Variants in HHAT observed in about 807,000 individuals in gnomAD.
HHAT encodes the protein protein-cysteine N-palmitoyltransferase HHAT.
Under a neutral mutation model 70.8 loss-of-function variants are expected in HHAT, and 47 were observed. The ratio of observed to expected loss-of-function variants is 0.66; its 90% CI spans 0.53 to 0.85. The LOEUF is 0.85. HHAT is among the 40% of genes least tolerant of loss of function. HHAT has a pLI of 0.00. For missense variants in HHAT, 609 were observed against 604.8 expected, an observed-to-expected ratio of 1.01 and a Z score of -0.07; for synonymous variants, 228 against 247.6, an observed-to-expected ratio of 0.92 and a Z score of 0.74.
At chr1:210,569,390 A>G (rs1171193800) in intron 9 of HHAT, among the ~76,000 whole-genome samples, 1 of 148,142 alleles carries the variant, frequency 6.8e-6, no homozygotes, top group African/African-American at 2.5e-5. Flanking sequence ...AAAAAAAAAA[A>G]AAAAAAAAAG....
chr1:210,598,815 T>A (rs753452632), intron 10 of HHAT, among the ~76,000 whole-genome samples: 2 of 152,248 alleles, frequency 1.3e-5, no homozygotes, highest in Non-Finnish European at 2.9e-5. Context: ...TTGGTTCTTA[T>A]AAAGGTGAGT....
chr1:210,640,818 G>C (rs568359454), intron 11 of HHAT, among the ~76,000 whole-genome samples: 1 of 152,222 alleles, frequency 6.6e-6, no homozygotes, highest in Non-Finnish European at 1.5e-5. Context: ...TCTTGCCTTA[G>C]GTGGACACGA....
At chr1:210,654,152 C>T (rs1558363839) in intron 11 of HHAT, among the ~76,000 whole-genome samples, 1 of 137,240 alleles carries the variant, frequency 7.3e-6, no homozygotes, top group Non-Finnish European at 1.6e-5. Flanking sequence ...AATAGTGTGA[C>T]AGTGGAATAG....
intron 6 of HHAT, among the ~76,000 whole-genome samples, chr1:210,413,538 G>A (rs561954255): frequency 6.6e-6 from 1 of 152,156 alleles, no homozygotes; most frequent in Admixed American, 6.5e-5. Flanking sequence ...CAGTCAAGAG[G>A]AGCCAAGTTG....
intron 1 of HHAT, among the ~76,000 whole-genome samples, chr1:210,333,065 C>G (rs931557154): frequency 6.6e-6 from 1 of 152,166 alleles, no homozygotes; most frequent in Non-Finnish European, 1.5e-5. Context: ...AAATAAGTGT[C>G]GGATTCTGAC....
At chr1:210,537,507 C>T (rs1231334225) in intron 9 of HHAT, among the ~76,000 whole-genome samples, 1 of 152,162 alleles carries the variant, frequency 6.6e-6, no homozygotes, top group Non-Finnish European at 1.5e-5. Context: ...TGGGGAACAC[C>T]GGATTGGGCC....
Position 210,385,776 on chromosome 1 carries a change from A to G in HHAT, c.160-1692A>G, listed in dbSNP as rs147974319. ...CAAGGGATGGGAAGCACATGGGTCT[A>G]GCAGTTAGTAGCGGGTACTGCTGTT... On this transcript the variant is annotated intron_variant, in intron 3 of 11. Coordinates refer to ENST00000261458, the MANE Select transcript of HHAT (RefSeq NM_018194.6). Among the ~76,000 whole-genome samples the G allele has an allele frequency of 2.0e-5, 3 of 152,368 alleles. No individual in the cohort carries two copies. The East Asian group carries it at 5.8e-4, about 29-fold the overall frequency.
chr1:210,619,653 T>C (rs1668463838), intron 10 of HHAT, among the ~76,000 whole-genome samples: 1 of 152,170 alleles, frequency 6.6e-6, no homozygotes, highest in East Asian at 1.9e-4. Context: ...GTGCGCTTAT[T>C]ATCCCTGGCC....
intron 7 of HHAT, among the ~76,000 whole-genome samples, chr1:210,431,235 T>G (rs2093233278): frequency 6.6e-6 from 1 of 151,760 alleles, no homozygotes; most frequent in African/African-American, 2.4e-5. Flanking sequence ...ATTTTGGGCT[T>G]TGGAAATCTG....
At chr1:210,421,848 A>G (rs2092914248) in intron 7 of HHAT, among the ~76,000 whole-genome samples, 1 of 152,192 alleles carries the variant, frequency 6.6e-6, no homozygotes, top group African/African-American at 2.4e-5. Flanking sequence ...TATTTAAAAA[A>G]AGTCATATGT....
chr1:210,409,532 G>T (rs1456962804), intron 6 of HHAT, among the ~76,000 whole-genome samples: 2 of 152,088 alleles, frequency 1.3e-5, no homozygotes, highest in Non-Finnish European at 2.9e-5. Context: ...AGGAGTAGGG[G>T]TATGGTCTGT....
chr1:210,399,404 C>T (rs1200357880), intron 4 of HHAT, among the ~76,000 whole-genome samples: 2 of 152,132 alleles, frequency 1.3e-5, no homozygotes, highest in African/African-American at 2.4e-5. Flanking sequence ...TTACAGTCAC[C>T]TACCATACCT....
chr1:210,600,195 C>T (rs985861738), intron 10 of HHAT, among the ~76,000 whole-genome samples: 9 of 152,182 alleles, frequency 5.9e-5, no homozygotes, highest in East Asian at 1.9e-4. Flanking sequence ...TTTATTCCCT[C>T]GCTGAACTGT....
chr1:210,511,446 G>A (rs995610955), intron 8 of HHAT, among the ~76,000 whole-genome samples: 43 of 152,234 alleles, frequency 2.8e-4, no homozygotes, highest in African/African-American at 1.0e-3. Flanking sequence ...TCATTTAAAG[G>A]TGTCCCACAG....
At chr1:210,537,782 G>A (rs751618221) in intron 9 of HHAT, among the ~76,000 whole-genome samples, 31 of 152,208 alleles carry the variant, frequency 2.0e-4, no homozygotes, top group Non-Finnish European at 3.7e-4. Context: ...GTTGCTTGAG[G>A]AGATTTGATT....
chr1:210,617,454 G>A (rs1033379396), intron 10 of HHAT, among the ~76,000 whole-genome samples: 4 of 152,212 alleles, frequency 2.6e-5, no homozygotes, highest in Non-Finnish European at 5.9e-5. Flanking sequence ...AAAACTTGAA[G>A]CAGAGATATG....
intron 10 of HHAT, among the ~76,000 whole-genome samples, chr1:210,591,594 C>A (rs1377011067): frequency 1.3e-5 from 2 of 152,068 alleles, no homozygotes; most frequent in Non-Finnish European, 2.9e-5. Flanking sequence ...TATGATAATT[C>A]TGTTTTTAGT....
intron 3 of HHAT, among the ~76,000 whole-genome samples, chr1:210,380,142 T>C (rs564592642): frequency 6.6e-6 from 1 of 152,348 alleles, no homozygotes; most frequent in East Asian, 1.9e-4. Context: ...ATTGAGTATC[T>C]AATATATTCT....
intron 10 of HHAT, among the ~76,000 whole-genome samples, chr1:210,618,750 C>CCAT (rs1361588895): frequency 2.0e-5 from 3 of 152,220 alleles, no homozygotes; most frequent in African/African-American, 7.2e-5. Flanking sequence ...CTGCAGCCCC[C>CCAT]CATCCCCGGC....
Sources: gnomAD v4.1 joint callset for allele counts (sites outside exome capture counted in the v4.1 genomes callset) on GRCh38, gnomAD v4.1.1 for gene constraint, MANE v1.5 for transcripts, NCBI Gene and HGNC (gene_info 2026-07-23, HGNC 2026-07-21) for gene names.